The following ITSN1 variants were observed in gnomAD, a reference collection of about 807,000 sequenced individuals.
ITSN1 encodes the protein intersectin-1.
A neutral mutation model predicts 239.8 loss-of-function variants in ITSN1; 58 were observed. The observed-to-expected ratio is 0.24, with a 90% CI of 0.20 to 0.30. The LOEUF is 0.30. Among genes scored for constraint, ITSN1 ranks in the 10% least tolerant of loss-of-function variants. The pLI, the probability that ITSN1 is intolerant of heterozygous loss-of-function variation, is 1.00. For missense variants in ITSN1, 1,558 were observed against 2,103.3 expected (o/e 0.74, Z 5.07); for synonymous variants, 780 against 770.8 (o/e 1.01, Z -0.20).
chr21:33,763,969 T>G (rs2068546647), intron 9 of ITSN1, among the ~76,000 whole-genome samples: 1 of 152,198 alleles, frequency 6.6e-6, no homozygotes, highest in Non-Finnish European at 1.5e-5. Flanking sequence ...TCCCTTCTGT[T>G]TTGTATGAAA....
chr21:33,658,552 T>C (rs1322096710), intron 1 of ITSN1, among the ~76,000 whole-genome samples: 1 of 152,160 alleles, frequency 6.6e-6, no homozygotes, highest in African/African-American at 2.4e-5. Context: ...ACGGTAAAAA[T>C]ATGCTGTTAC....
At chr21:33,738,588 G>A (rs1385689918) in intron 5 of ITSN1, among the ~76,000 whole-genome samples, 5 of 152,064 alleles carry the variant, frequency 3.3e-5, no homozygotes, top group South Asian at 4.1e-4. Context: ...TTTTAGTAGC[G>A]ACGGGGTTTC....
chr21:33,676,536 A>G (rs150312451), intron 1 of ITSN1, among the ~76,000 whole-genome samples: 3 of 152,258 alleles, frequency 2.0e-5, no homozygotes, highest in Admixed American at 6.5e-5. Context: ...CCTCTGCCAC[A>G]CTTCCATGAT....
At chr21:33,697,411 T>G (rs1016734616) in intron 1 of ITSN1, among the ~76,000 whole-genome samples, 1 of 151,984 alleles carries the variant, frequency 6.6e-6, no homozygotes, top group Non-Finnish European at 1.5e-5. Context: ...TGACTGTATA[T>G]ATCTACATTA....
chr21:33,832,739 G>A (rs531190129), intron 27 of ITSN1, among the ~76,000 whole-genome samples: 1 of 152,234 alleles, frequency 6.6e-6, no homozygotes, highest in South Asian at 2.1e-4. Context: ...GAGCCAAGGG[G>A]ATGGAATCTA....
At chr21:33,651,191 A>G (rs1464443969) in intron 1 of ITSN1, among the ~76,000 whole-genome samples, 1 of 152,240 alleles carries the variant, frequency 6.6e-6, no homozygotes, top group East Asian at 1.9e-4. Context: ...GCTGGGGGCA[A>G]GAGAGACAGG....
At chr21:33,706,738 TTTTA>T (rs1361658819) in intron 1 of ITSN1, among the ~76,000 whole-genome samples, 3 of 152,186 alleles carry the variant, frequency 2.0e-5, no homozygotes, top group East Asian at 3.9e-4. Flanking sequence ...TCAATTCAGG[TTTTA>T]TTTGTTTATT....
At chr21:33,782,314 ATGAG>A (rs1242635412) in intron 16 of ITSN1, among the ~76,000 whole-genome samples, 181 bp downstream of exon 16, 1 of 152,148 alleles carries the variant, frequency 6.6e-6, no homozygotes, top group Non-Finnish European at 1.5e-5. Flanking sequence ...TTAGGGCTGA[ATGAG>A]TGGCCCCAGC....
At chr21:33,774,181 C>T (rs2069409706) in intron 12 of ITSN1, among the ~76,000 whole-genome samples, 1 of 152,128 alleles carries the variant, frequency 6.6e-6, no homozygotes, top group Admixed American at 6.5e-5. Context: ...CTGTCAGATG[C>T]TCTGATATGT....
At chr21:33,817,245 C>T (rs1235504093) in intron 22 of ITSN1, 9 of 1,300,832 alleles carry the variant, frequency 6.9e-6, no homozygotes, top group Non-Finnish European at 9.1e-6. Flanking sequence ...ACTTCCTCCT[C>T]CACCCCTCCA....
intron 30 of ITSN1, among the ~76,000 whole-genome samples, chr21:33,857,855 C>G (rs539053804): frequency 1.3e-5 from 2 of 152,126 alleles, no homozygotes; most frequent in Non-Finnish European, 2.9e-5. Flanking sequence ...TGGTACATGC[C>G]GGGTTCAACG....
intron 29 of ITSN1, among the ~76,000 whole-genome samples, chr21:33,845,624 C>T (rs1035670490): frequency 6.6e-5 from 10 of 152,164 alleles, no homozygotes; most frequent in Non-Finnish European, 1.5e-4. Flanking sequence ...GCTCAGTCGT[C>T]ACCTCCTCGA....
chr21:33,838,165 T>A (rs1416520961), intron 29 of ITSN1: 1 of 985,356 alleles, frequency 1.0e-6, no homozygotes, highest in East Asian at 1.1e-4. Context: ...TTGGAAGCTC[T>A]CAATAAAAAT....
chr21:33,842,222 C>A (rs938298565), intron 29 of ITSN1, among the ~76,000 whole-genome samples: 5 of 152,050 alleles, frequency 3.3e-5, no homozygotes. Context: ...TACGAAAACC[C>A]CACATAGGAA....
chr21:33,657,500 A>G (rs907522652), intron 1 of ITSN1, among the ~76,000 whole-genome samples: 1 of 151,830 alleles, frequency 6.6e-6, no homozygotes, highest in African/African-American at 2.4e-5. Context: ...TTGACATTTC[A>G]CTGGTCTTCC....
intron 20 of ITSN1, 23 bp downstream of exon 20, chr21:33,802,467 G>A (rs1438446990): frequency 6.2e-7 from 1 of 1,612,544 alleles, no homozygotes; most frequent in Non-Finnish European, 8.5e-7. Context: ...TAACTGTCAG[G>A]AAGTCTGCAT....
At chr21:33,733,943 G>A (rs2066342592) in intron 4 of ITSN1, among the ~76,000 whole-genome samples, 1 of 151,946 alleles carries the variant, frequency 6.6e-6, no homozygotes, top group Non-Finnish European at 1.5e-5. Context: ...TTTTTATTGT[G>A]TTACATGTTT....
chr21:33,696,548 A>ATG (rs1349230138), intron 1 of ITSN1, among the ~76,000 whole-genome samples: 2 of 152,188 alleles, frequency 1.3e-5, no homozygotes, highest in African/African-American at 4.8e-5. Context: ...ATATGTTTAA[A>ATG]TGTAGGGCAT....
intron 28 of ITSN1, among the ~76,000 whole-genome samples, chr21:33,834,767 C>T (rs1224016829): frequency 1.3e-5 from 2 of 151,768 alleles, no homozygotes; most frequent in Non-Finnish European, 2.9e-5. Flanking sequence ...CAGAAAGGGA[C>T]ACCCAAAAAT....
Sources: gnomAD v4.1 joint callset for allele counts (sites outside exome capture counted in the v4.1 genomes callset) on GRCh38, gnomAD v4.1.1 for gene constraint, MANE v1.5 for transcripts, NCBI Gene and HGNC (gene_info 2026-07-23, HGNC 2026-07-21) for gene names.